Variants in DYM observed in about 807,000 individuals in gnomAD.
DYM encodes the protein dymeclin.
Under a neutral mutation model 93.1 loss-of-function variants are expected in DYM, and 78 were observed. The ratio of observed to expected loss-of-function variants is 0.84; its 90% CI spans 0.70 to 1.01. The LOEUF is 1.01. Among genes scored for constraint, DYM ranks in the 50% least tolerant of loss-of-function variants. DYM has a pLI of 0.00. For synonymous variants in DYM, 321 were observed against 319.7 expected (o/e 1.00, Z -0.04); for missense variants, 789 against 845.0 (o/e 0.93, Z 0.82).
intron 8 of DYM, among the ~76,000 whole-genome samples, chr18:49,313,986 G>A (rs759260890): frequency 1.1e-4 from 17 of 152,078 alleles, no homozygotes; most frequent in Non-Finnish European, 1.8e-4. Flanking sequence ...GGCCAGGCGC[G>A]GTGGCTCACA....
intron 13 of DYM, among the ~76,000 whole-genome samples, chr18:49,227,533 TGG>T (rs2093574497): frequency 6.6e-6 from 1 of 152,172 alleles, no homozygotes; most frequent in Non-Finnish European, 1.5e-5. Context: ...TTTTCAGTTG[TGG>T]TCATGGATAT....
At chr18:49,120,557 T>A (rs537866201) in intron 15 of DYM, among the ~76,000 whole-genome samples, 9 of 152,278 alleles carry the variant, frequency 5.9e-5, no homozygotes, top group East Asian at 5.8e-4. Flanking sequence ...CCACAGATTT[T>A]TTAAATCTGT....
intron 17 of DYM, among the ~76,000 whole-genome samples, chr18:49,053,663 C>A (rs934314430): frequency 6.6e-6 from 1 of 152,098 alleles, no homozygotes; most frequent in South Asian, 2.1e-4. Context: ...GAGATCCTGT[C>A]GTAAAATAGC....
intron 6 of DYM, among the ~76,000 whole-genome samples, chr18:49,359,468 G>A (rs924287290): frequency 1.3e-4 from 20 of 152,134 alleles, no homozygotes; most frequent in African/African-American, 4.6e-4. Context: ...ACTTAAAAGT[G>A]AATCTTCATT....
intron 16 of DYM, among the ~76,000 whole-genome samples, chr18:49,118,092 C>T (rs961233146): frequency 9.3e-5 from 13 of 139,918 alleles, no homozygotes; most frequent in Non-Finnish European, 1.5e-5. Context: ...TCACTGCAAC[C>T]TCTATTTCCT....
chr18:49,308,203 C>G (rs2061381742), intron 8 of DYM, among the ~76,000 whole-genome samples: 1 of 151,920 alleles, frequency 6.6e-6, no homozygotes, highest in Non-Finnish European at 1.5e-5. Context: ...TATAGCTAAA[C>G]TTACTTTTTA....
chr18:49,440,354 G>GTATATGATATATAATATATCATATTA (rs2081235758), intron 1 of DYM, among the ~76,000 whole-genome samples: 1 of 115,216 alleles, frequency 8.7e-6, no homozygotes, highest in Non-Finnish European at 1.8e-5. Flanking sequence ...ATATAATATA[G>GTATATGATATATAATATATCATATTA]TATATGATAT....
intron 16 of DYM, among the ~76,000 whole-genome samples, chr18:49,108,211 C>T (rs1040291954): frequency 2.6e-5 from 4 of 152,304 alleles, no homozygotes; most frequent in East Asian, 1.9e-4. Flanking sequence ...GAGCCAGGCA[C>T]GGGATATAAT....
At chr18:49,244,788 A>G (rs749387880) in intron 13 of DYM, among the ~76,000 whole-genome samples, 5 of 152,180 alleles carry the variant, frequency 3.3e-5, no homozygotes, top group Admixed American at 6.5e-5. Flanking sequence ...GATTTTAACC[A>G]TTTGTTTTAG....
intron 14 of DYM, among the ~76,000 whole-genome samples, chr18:49,182,265 G>A (rs2089997316): frequency 6.6e-6 from 1 of 152,152 alleles, no homozygotes; most frequent in South Asian, 2.1e-4. Flanking sequence ...TGTTTTGGCT[G>A]GAGCTGTTAT....
At chr18:49,422,806 T>C (rs1043169714) in intron 2 of DYM, among the ~76,000 whole-genome samples, 1 of 152,172 alleles carries the variant, frequency 6.6e-6, no homozygotes, top group African/African-American at 2.4e-5. Context: ...AAGAAGGCCA[T>C]TACATAATGG....
intron 8 of DYM, among the ~76,000 whole-genome samples, chr18:49,309,102 A>G (rs1292106820): frequency 6.6e-6 from 1 of 152,220 alleles, no homozygotes; most frequent in Non-Finnish European, 1.5e-5. Context: ...AGACAAGAGC[A>G]TAAAAAAATT....
chr18:49,325,487 A>G (rs1372351900), intron 8 of DYM, among the ~76,000 whole-genome samples: 1 of 152,196 alleles, frequency 6.6e-6, no homozygotes, highest in African/African-American at 2.4e-5. Flanking sequence ...GCCCCAAAAT[A>G]TAGGTTTAAT....
chr18:49,145,003 G>A (rs1253712411), intron 15 of DYM, among the ~76,000 whole-genome samples: 2 of 149,848 alleles, frequency 1.3e-5, no homozygotes, highest in Non-Finnish European at 3.0e-5. Context: ...GAAAGGCTGA[G>A]GCGGGAGTAT....
In DYM at chr18:49,438,296, G is replaced by A. The variant is rs1017530276; in HGVS notation, c.-53-7849C>T. ...GAACAGAATGTTAACAAAAAAAATCGAGACAGCCAATTGAGTAAAGAGTAC... is the reference window on the plus strand; with the variant it reads ...GAACAGAATGTTAACAAAAAAAATCAAGACAGCCAATTGAGTAAAGAGTAC... On this transcript the variant is annotated intron_variant, in intron 1 of 17. Transcript: ENST00000675505. Among the ~76,000 whole-genome samples the A allele has an allele frequency of 3.9e-5, 6 of 152,050 alleles. No individual in the cohort carries two copies. The South Asian group carries it at 8.3e-4, about 21-fold the overall frequency.
At chr18:49,374,047 A>G (rs1169223590) in intron 5 of DYM, among the ~76,000 whole-genome samples, 2 of 152,226 alleles carry the variant, frequency 1.3e-5, no homozygotes, top group African/African-American at 4.8e-5. Flanking sequence ...AATTAAACAT[A>G]TCCATCTCTT....
intron 13 of DYM, among the ~76,000 whole-genome samples, chr18:49,248,415 C>T (rs985740159): frequency 1.9e-4 from 29 of 152,076 alleles, no homozygotes; most frequent in Non-Finnish European, 1.2e-4. Context: ...AGATGCAAGA[C>T]TTTACAAGCC....
intron 15 of DYM, among the ~76,000 whole-genome samples, chr18:49,131,371 C>T (rs2083365983): frequency 1.3e-5 from 2 of 152,042 alleles, no homozygotes; most frequent in Admixed American, 1.3e-4. Context: ...CTCCACCACG[C>T]CTGACTGATT....
chr18:49,149,820 C>T lies in DYM; in HGVS notation c.1728+13865G>A, dbSNP rs138276153. Reference sequence around the variant, plus strand: ...CTCCTGGGTTCAAGCGATTCTCCTGCCTCAGCCTCCCGAGTAGCTGGGACT... The same window carrying T: ...CTCCTGGGTTCAAGCGATTCTCCTGTCTCAGCCTCCCGAGTAGCTGGGACT... On this transcript the variant is annotated intron_variant, in intron 15 of 17. Coordinates refer to ENST00000675505, the MANE Select transcript of DYM (RefSeq NM_001353214.3). 5.1e-3 allele frequency among the ~76,000 whole-genome samples: 761 copies of T among 149,602 alleles called. 5 individuals carry two copies. Among genetic ancestry groups the T allele is most frequent in the African/African-American group, 0.018 (734 of 40,698 alleles).
Sources: gnomAD v4.1 joint callset for allele counts (sites outside exome capture counted in the v4.1 genomes callset) on GRCh38, gnomAD v4.1.1 for gene constraint, MANE v1.5 for transcripts, NCBI Gene and HGNC (gene_info 2026-07-23, HGNC 2026-07-21) for gene names.